Variants in SOX6 observed in about 807,000 individuals in gnomAD.
SOX6 encodes transcription factor SOX-6.
In SOX6, 11 loss-of-function variants were observed where a neutral mutation model predicts 97.8. The ratio of observed to expected loss-of-function variants is 0.11; its 90% CI spans 0.07 to 0.19. The LOEUF is 0.19. Ranked by LOEUF, SOX6 falls within the 10% of genes least tolerant of loss-of-function variation. The pLI is 1.00. For missense variants in SOX6, 810 were observed against 1,039.5 expected, an observed-to-expected ratio of 0.78 and a Z score of 3.04; for synonymous variants, 360 against 371.4, an observed-to-expected ratio of 0.97 and a Z score of 0.35.
At chr11:16,536,123 T>G (rs1346183512) in intron 4 of SOX6, among the ~76,000 whole-genome samples, 2 of 152,190 alleles carry the variant, frequency 1.3e-5, no homozygotes, top group Admixed American at 6.5e-5. Context: ...CACAATAGTT[T>G]TGTTCACAGG....
chr11:16,413,282 T>C (rs1236863162), intron 1 of SOX6, among the ~76,000 whole-genome samples: 1 of 152,146 alleles, frequency 6.6e-6, no homozygotes, highest in African/African-American at 2.4e-5. Flanking sequence ...CTTCTCTTAC[T>C]TCAGAGACAG....
chr11:16,603,025 A>T (rs926559669), intron 4 of SOX6, among the ~76,000 whole-genome samples: 2 of 152,046 alleles, frequency 1.3e-5, no homozygotes, highest in Non-Finnish European at 2.9e-5. Context: ...CGTCTCAAAT[A>T]AAAAAAGAAA....
intron 4 of SOX6, among the ~76,000 whole-genome samples, chr11:16,500,968 T>C (rs1263047131): frequency 6.6e-6 from 1 of 152,156 alleles, no homozygotes; most frequent in Non-Finnish European, 1.5e-5. Flanking sequence ...ACTTTAAAGT[T>C]CATATGGAAC....
chr11:16,311,369 C>T (rs990803689), intron 3 of SOX6: 2 of 151,966 alleles, frequency 1.3e-5, no homozygotes, highest in Non-Finnish European at 2.9e-5. Flanking sequence ...TCACAATAAC[C>T]CTGCAAGGCA....
At chr11:16,449,277 C>CTTTTTTTTTTTTTTTTTTTTTTTT (rs10611823) in intron 1 of SOX6, among the ~76,000 whole-genome samples, 1 of 62,906 alleles carries the variant, frequency 1.6e-5, no homozygotes, top group African/African-American at 7.2e-5. Flanking sequence ...AATGCTCCTT[C>CTTTTTTTTTTTTTTTTTTTTTTTT]TTTTTTTTTT....
intron 3 of SOX6, among the ~76,000 whole-genome samples, chr11:16,674,065 C>T (rs1382286525): frequency 6.6e-6 from 1 of 151,742 alleles, no homozygotes; most frequent in African/African-American, 2.4e-5. Context: ...TGGCGGGCGC[C>T]TGTAGTCCCA....
chr11:16,207,525 G>A (rs1281277255), intron 4 of SOX6, among the ~76,000 whole-genome samples: 1 of 151,332 alleles, frequency 6.6e-6, no homozygotes, highest in African/African-American at 2.4e-5. Flanking sequence ...AACCTGGGAG[G>A]CAGAGCTTGC....
intron 4 of SOX6, among the ~76,000 whole-genome samples, chr11:16,508,969 A>G (rs901057537): frequency 6.6e-6 from 1 of 152,242 alleles, no homozygotes; most frequent in African/African-American, 2.4e-5. Context: ...ATATGTACCA[A>G]TAAAGACATA....
At chr11:16,572,355 A>C (rs1273371224) in intron 4 of SOX6, among the ~76,000 whole-genome samples, 1 of 152,182 alleles carries the variant, frequency 6.6e-6, no homozygotes. Context: ...TGTCATAGTA[A>C]TGTTGTAGTT....
At chr11:16,305,509 T>C (rs527971546) in intron 3 of SOX6, among the ~76,000 whole-genome samples, 2 of 152,174 alleles carry the variant, frequency 1.3e-5, no homozygotes, top group Non-Finnish European at 2.9e-5. Flanking sequence ...CAGTTTCTTA[T>C]AAAATCCAAC....
chr11:16,242,646 A>G (rs558084166), intron 3 of SOX6, among the ~76,000 whole-genome samples: 2 of 147,686 alleles, frequency 1.4e-5, no homozygotes, highest in East Asian at 3.9e-4. Flanking sequence ...AAAAAAAAAC[A>G]AAAAAAAAAC....
intron 3 of SOX6, among the ~76,000 whole-genome samples, chr11:16,667,916 C>A (rs1003139737): frequency 2.0e-5 from 3 of 152,042 alleles, no homozygotes; most frequent in South Asian, 2.1e-4. Flanking sequence ...TAAATAGAAA[C>A]AACAAAAAGT....
At chr11:16,098,183 C>T (rs573256455) in intron 7 of SOX6, among the ~76,000 whole-genome samples, 1 of 151,862 alleles carries the variant, frequency 6.6e-6, no homozygotes, top group East Asian at 1.9e-4. Context: ...ACAACCTCTT[C>T]AATATGATAG....
At chr11:16,450,301 C>G (rs1339994829) in intron 1 of SOX6, among the ~76,000 whole-genome samples, 1 of 152,104 alleles carries the variant, frequency 6.6e-6, no homozygotes, top group Non-Finnish European at 1.5e-5. Flanking sequence ...TATATGAAGT[C>G]TGAGATTTTC....
intron 1 of SOX6, among the ~76,000 whole-genome samples, chr11:16,411,610 C>T (rs529561211): frequency 6.6e-6 from 1 of 152,252 alleles, no homozygotes; most frequent in East Asian, 1.9e-4. Context: ...GATGATTAAA[C>T]TATCAACCTA....
intron 3 of SOX6, among the ~76,000 whole-genome samples, chr11:16,619,284 T>A (rs1848510904): frequency 6.6e-6 from 1 of 151,362 alleles, no homozygotes; most frequent in African/African-American, 2.4e-5. Flanking sequence ...TGTTTGTCCT[T>A]GATATTATTA....
intron 4 of SOX6, among the ~76,000 whole-genome samples, chr11:16,493,680 G>T (rs932028446): frequency 6.6e-6 from 1 of 152,148 alleles, no homozygotes; most frequent in African/African-American, 2.4e-5. Flanking sequence ...TTTCTCGAAT[G>T]CCTAATATTT....
intron 4 of SOX6, among the ~76,000 whole-genome samples, chr11:16,599,600 C>T (rs557655599): frequency 6.6e-6 from 1 of 152,040 alleles, no homozygotes; most frequent in African/African-American, 2.4e-5. Context: ...CATTTTCATG[C>T]CATTTAAATG....
In SOX6 at chr11:16,634,338, G is replaced by GA. The variant is rs529061108; in HGVS notation, n.430-22079dup. Among the ~76,000 whole-genome samples the GA allele has an allele frequency of 8.2e-3, 1,182 of 143,424 alleles. 3 individuals carry two copies. The highest frequency in any genetic ancestry group is 0.012 in the Non-Finnish European group (803 of 64,986). The allele number at this position is 143,424 out of a possible 152,430, so 94.1% of individuals were successfully genotyped here. On this transcript the variant is annotated intron_variant and non_coding_transcript_variant, in intron 3 of 5. Transcript: ENST00000524520. ...AAGAAAAGAGAAGAAAAAAATGGAA[G>GA]AAAAAAAAAACAGTGCCTTAGGAAT...
Sources: gnomAD v4.1 joint callset for allele counts (sites outside exome capture counted in the v4.1 genomes callset) on GRCh38, gnomAD v4.1.1 for gene constraint, MANE v1.5 for transcripts, NCBI Gene and HGNC (gene_info 2026-07-23, HGNC 2026-07-21) for gene names.